The following MAN1A1 variants were observed in gnomAD, a reference collection of about 807,000 sequenced individuals.
The protein encoded by MAN1A1 is mannosidase alpha class 1A member 1, also known as mannosyl-oligosaccharide 1,2-alpha-mannosidase IA.
Under a neutral mutation model 70.8 loss-of-function variants are expected in MAN1A1, and 29 were observed. That is an observed-to-expected ratio of 0.41 (90% CI 0.31 to 0.56). MAN1A1 has a LOEUF of 0.56. Among genes scored for constraint, MAN1A1 ranks in the 20% least tolerant of loss-of-function variants. The pLI, the probability that MAN1A1 is intolerant of heterozygous loss-of-function variation, is 0.29. For synonymous variants in MAN1A1, 349 were observed against 330.1 expected (o/e 1.06, Z -0.62); for missense variants, 747 against 841.3 (o/e 0.89, Z 1.39).
At chr6:119,216,261 A>G (rs1774198863) in intron 6 of MAN1A1, among the ~76,000 whole-genome samples, 1 of 152,214 alleles carries the variant, frequency 6.6e-6, no homozygotes, top group Non-Finnish European at 1.5e-5. Context: ...TACTGTGGGA[A>G]GAATAGGTTA....
At chr6:119,317,700 G>A (rs931141845) in intron 2 of MAN1A1, among the ~76,000 whole-genome samples, 1 of 152,074 alleles carries the variant, frequency 6.6e-6, no homozygotes, top group Non-Finnish European at 1.5e-5. Flanking sequence ...TATGAATAAA[G>A]CTGTTAAAGA....
intron 10 of MAN1A1, 24 bp downstream of exon 10, chr6:119,189,640 A>G: frequency 6.2e-7 from 1 of 1,606,326 alleles, no homozygotes; most frequent in Middle Eastern, 1.7e-4. Flanking sequence ...AATAGACCAT[A>G]AATGAAGAAT....
rs142185351 is a variant in MAN1A1, at chr6:119,316,306, C to T, written c.604-9314G>A. On this transcript the variant is annotated intron_variant, in intron 2 of 12. Coordinates refer to ENST00000368468, the MANE Select transcript of MAN1A1 (RefSeq NM_005907.4). Reference sequence around the variant, plus strand: ...GATTGTCCTGCCTCAGCCTCCTGAGCAGCTGGAATTACAGGTGCCTGGCTA... The same window carrying T: ...GATTGTCCTGCCTCAGCCTCCTGAGTAGCTGGAATTACAGGTGCCTGGCTA... Among the ~76,000 whole-genome samples, 884 of 151,774 alleles carry T rather than the reference C, an allele frequency of 5.8e-3. 30 individuals carry two copies. In the East Asian group the frequency reaches 0.09, roughly 15 times the overall value.
chr6:119,211,123 T>A (rs971349010), intron 6 of MAN1A1, among the ~76,000 whole-genome samples: 1 of 152,238 alleles, frequency 6.6e-6, no homozygotes, highest in Admixed American at 6.5e-5. Context: ...TTACTTTGAT[T>A]TTAGATACAA....
intron 11 of MAN1A1, among the ~76,000 whole-genome samples, chr6:119,183,044 C>T (rs1412695635): frequency 3.3e-5 from 5 of 152,114 alleles, no homozygotes; most frequent in Admixed American, 3.3e-4. Flanking sequence ...AAGTAAGTAC[C>T]AGCCACGGAT....
chr6:119,199,221 T>C lies in MAN1A1; in HGVS notation c.1210+2033A>G, dbSNP rs559565455. The stretch of plus-strand genomic sequence containing the variant: ...ACAAGTTTTCCAAAATTCTATTTTT[T>C]ATTTAGAAACTTGGATTATAATCAT... On this transcript the variant is annotated intron_variant, in intron 8 of 12. Coordinates refer to ENST00000368468, the MANE Select transcript of MAN1A1 (RefSeq NM_005907.4). Among the ~76,000 whole-genome samples, 8 of 152,402 alleles carry C rather than the reference T, an allele frequency of 5.2e-5. 1 individual carries two copies. In the East Asian group the frequency reaches 1.2e-3, roughly 22 times the overall value.
At chr6:119,198,463 C>T (rs1410605861) in intron 8 of MAN1A1, among the ~76,000 whole-genome samples, 1 of 152,182 alleles carries the variant, frequency 6.6e-6, no homozygotes, top group Non-Finnish European at 1.5e-5. Flanking sequence ...TGTTGAGTCT[C>T]AGCACCCTTT....
intron 8 of MAN1A1, among the ~76,000 whole-genome samples, chr6:119,197,610 A>T (rs1773605219): frequency 6.6e-6 from 1 of 152,162 alleles, no homozygotes; most frequent in African/African-American, 2.4e-5. Flanking sequence ...GGGATCCTGG[A>T]AGAAATGGCA....
intron 5 of MAN1A1, among the ~76,000 whole-genome samples, chr6:119,279,358 C>A (rs72962556): frequency 0.1 from 15,407 of 152,214 alleles, 993 homozygotes; most frequent in Non-Finnish European, 0.14. Context: ...AAAATCCATG[C>A]CTTTCTCTCT....
rs541324065 is a variant in MAN1A1 at position 119,348,380 on chromosome 6, C to T, written c.603+83G>A. ...CATCTCCCCATACATTGCATTGTTG[C>T]AGTCTTCAGAGTTTCAAAGGCTTGC... is the stretch of plus-strand genomic sequence containing the variant. On this transcript the variant is annotated intron_variant, in intron 2 of 12. Coordinates refer to ENST00000368468, the MANE Select transcript of MAN1A1 (RefSeq NM_005907.4). 54 of 1,318,258 alleles carry T rather than the reference C, an allele frequency of 4.1e-5. No individual in the cohort carries two copies. In the East Asian group the frequency reaches 1.2e-3, roughly 30 times the overall value. 81.7% of individuals were successfully genotyped at this position (1,318,258 alleles called of 1,614,324 possible).
chr6:119,198,696 A>G (rs532284973), intron 8 of MAN1A1, among the ~76,000 whole-genome samples: 2 of 152,292 alleles, frequency 1.3e-5, no homozygotes, highest in Admixed American at 1.3e-4. Flanking sequence ...ACATTTTTGC[A>G]TATCTCTTTC....
At chr6:119,335,132 C>G (rs1464549473) in intron 2 of MAN1A1, among the ~76,000 whole-genome samples, 2 of 152,164 alleles carry the variant, frequency 1.3e-5, no homozygotes, top group African/African-American at 4.8e-5. Flanking sequence ...GGGGAGGCAA[C>G]AATAGAAAAT....
intron 8 of MAN1A1, among the ~76,000 whole-genome samples, chr6:119,195,293 C>T (rs1299703791): frequency 6.6e-6 from 1 of 152,174 alleles, no homozygotes; most frequent in African/African-American, 2.4e-5. Flanking sequence ...CAGTCTTGCT[C>T]CACTTGCTCT....
chr6:119,310,543 G>A (rs1476548055), intron 2 of MAN1A1, among the ~76,000 whole-genome samples: 2 of 152,140 alleles, frequency 1.3e-5, no homozygotes, highest in African/African-American at 4.8e-5. Flanking sequence ...AGCCTCCAAC[G>A]TGGGGCGCCC....
intron 2 of MAN1A1, among the ~76,000 whole-genome samples, chr6:119,340,981 A>C (rs1271199424): frequency 6.6e-6 from 1 of 152,212 alleles, no homozygotes; most frequent in Non-Finnish European, 1.5e-5. Flanking sequence ...CATTCTAGTC[A>C]CAAAAGTCAA....
chr6:119,236,929 A>G (rs777273271), intron 6 of MAN1A1, among the ~76,000 whole-genome samples: 4 of 152,060 alleles, frequency 2.6e-5, no homozygotes, highest in Non-Finnish European at 5.9e-5. Flanking sequence ...AGGAGTTTGG[A>G]AGAAGTTGAT....
chr6:119,188,723 G>T (rs544350261), intron 10 of MAN1A1, 146 bp from the exon 11 acceptor site: 2 of 687,696 alleles, frequency 2.9e-6, no homozygotes, highest in East Asian at 2.6e-5. Flanking sequence ...CAAAATCCAT[G>T]GATCCTTGAG....
intron 2 of MAN1A1, among the ~76,000 whole-genome samples, chr6:119,344,698 A>G (rs1173616053): frequency 6.6e-6 from 1 of 152,264 alleles, no homozygotes; most frequent in Non-Finnish European, 1.5e-5. Context: ...TTAACCTGCC[A>G]AGGCAGATTA....
Position 119,231,048 on chromosome 6 carries a change from A to G in MAN1A1, c.992+17212T>C, listed in dbSNP as rs76386631. 2.2e-4 allele frequency among the ~76,000 whole-genome samples: 33 copies of G among 152,328 alleles called. 1 individual carries two copies. The East Asian group carries it at 6.2e-3, about 28-fold the overall frequency. ...AAAATAGCAGGGTTTTGTTGGAGGT[A>G]AAGTCCTTCAAAGGGGCTACATGTG... On this transcript the variant is annotated intron_variant, in intron 6 of 12. Coordinates refer to ENST00000368468, the MANE Select transcript of MAN1A1 (RefSeq NM_005907.4).
Sources: gnomAD v4.1 joint callset for allele counts (sites outside exome capture counted in the v4.1 genomes callset) on GRCh38, gnomAD v4.1.1 for gene constraint, MANE v1.5 for transcripts, NCBI Gene and HGNC (gene_info 2026-07-23, HGNC 2026-07-21) for gene names.